Variants in ST8SIA1 observed in about 807,000 individuals in gnomAD.
ST8SIA1 encodes ST8 alpha-N-acetyl-neuraminide alpha-2,8-sialyltransferase 1, also known as alpha-N-acetylneuraminide alpha-2,8-sialyltransferase.
In ST8SIA1, 16 loss-of-function variants were observed where a neutral mutation model predicts 35.9. That is an observed-to-expected ratio of 0.45 (90% CI 0.30 to 0.68). ST8SIA1 has a LOEUF of 0.68. Ranked by LOEUF, ST8SIA1 falls within the 30% of genes least tolerant of loss-of-function variation. The probability of loss-of-function intolerance (pLI) is 0.09; values close to 1 mark genes in which losing one functional copy is unlikely to be tolerated. For synonymous variants in ST8SIA1, 170 were observed against 169.6 expected, an observed-to-expected ratio of 1.00 and a Z score of -0.02; for missense variants, 383 against 453.6, an observed-to-expected ratio of 0.84 and a Z score of 1.41.
chr12:22,216,792 C>G (rs1308483741), intron 4 of ST8SIA1, among the ~76,000 whole-genome samples: 1 of 152,114 alleles, frequency 6.6e-6, no homozygotes, highest in Admixed American at 6.6e-5. Flanking sequence ...AATTTCTAAG[C>G]ATTTTTGTAT....
At chr12:22,221,732 C>T (rs1865302550) in intron 4 of ST8SIA1, among the ~76,000 whole-genome samples, 2 of 152,182 alleles carry the variant, frequency 1.3e-5, no homozygotes, top group South Asian at 2.1e-4. Context: ...TTTCATTTCA[C>T]GTTGTGATTC....
intron 2 of ST8SIA1, among the ~76,000 whole-genome samples, chr12:22,265,948 T>C (rs893867930): frequency 6.6e-5 from 10 of 152,224 alleles, no homozygotes; most frequent in South Asian, 4.2e-4. Flanking sequence ...CCGATCTTCA[T>C]TGAAGCACCC....
chr12:22,241,598 ATTT>A (rs71053392), intron 4 of ST8SIA1, among the ~76,000 whole-genome samples: 345 of 104,320 alleles, frequency 3.3e-3, no homozygotes, highest in South Asian at 0.016. Context: ...AGACTCCGGT[ATTT>A]TTTTTTTTTT....
At chr12:22,226,679 T>C (rs573200475) in intron 4 of ST8SIA1, among the ~76,000 whole-genome samples, 1 of 152,214 alleles carries the variant, frequency 6.6e-6, no homozygotes, top group African/African-American at 2.4e-5. Context: ...ATGGAAATAT[T>C]AAGGGGTTTA....
chr12:22,309,823 A>G (rs1429779019), intron 1 of ST8SIA1, among the ~76,000 whole-genome samples: 1 of 152,240 alleles, frequency 6.6e-6, no homozygotes, highest in African/African-American at 2.4e-5. Flanking sequence ...AGGAAAAAGA[A>G]GAAGAAATTT....
intron 4 of ST8SIA1, among the ~76,000 whole-genome samples, chr12:22,205,399 A>T (rs778888916): frequency 2.6e-5 from 4 of 152,228 alleles, no homozygotes; most frequent in Non-Finnish European, 4.4e-5. Context: ...ATTTATAATC[A>T]ATATGAGCAT....
At chr12:22,299,320 G>T (rs1030066058) in intron 1 of ST8SIA1, among the ~76,000 whole-genome samples, 1 of 152,064 alleles carries the variant, frequency 6.6e-6, no homozygotes, top group Admixed American at 6.6e-5. Context: ...AAATAAGACA[G>T]ATGTAAAGAA....
intron 2 of ST8SIA1, among the ~76,000 whole-genome samples, chr12:22,284,923 C>T (rs1324678264): frequency 6.6e-6 from 1 of 152,072 alleles, no homozygotes; most frequent in African/African-American, 2.4e-5. Context: ...ACTAAAAGTC[C>T]TCATCTATAA....
chr12:22,320,149 C>T (rs893565942), intron 1 of ST8SIA1, among the ~76,000 whole-genome samples: 7 of 152,068 alleles, frequency 4.6e-5, no homozygotes, highest in Non-Finnish European at 8.8e-5. Context: ...ACATGTACCC[C>T]AAAGCTATGT....
chr12:22,274,815 T>G (rs919934783), intron 2 of ST8SIA1, among the ~76,000 whole-genome samples: 2 of 152,202 alleles, frequency 1.3e-5, no homozygotes, highest in Non-Finnish European at 2.9e-5. Flanking sequence ...ATCCATTTCA[T>G]CATTCATTCA....
At chr12:22,287,552 G>A (rs1866116470) in intron 1 of ST8SIA1, among the ~76,000 whole-genome samples, 2 of 151,774 alleles carry the variant, frequency 1.3e-5, no homozygotes, top group South Asian at 4.2e-4. Context: ...TCAGATTCAG[G>A]TGAGATATGT....
chr12:22,294,444 A>T lies in ST8SIA1; in HGVS notation c.237-7151T>A, dbSNP rs193003827. On this transcript the variant is annotated intron_variant, in intron 1 of 4. Coordinates refer to ENST00000396037, the MANE Select transcript of ST8SIA1 (RefSeq NM_003034.4). ...CTCTTAAATTGTATGAAGGAGAAGT[A>T]CTTTCATTAGATTATTGCTTCAAAA... 2.6e-5 allele frequency among the ~76,000 whole-genome samples: 4 copies of T among 152,340 alleles called. No individual in the cohort carries two copies. In the East Asian group the frequency reaches 7.7e-4, roughly 29 times the overall value.
intron 3 of ST8SIA1, among the ~76,000 whole-genome samples, chr12:22,252,888 G>A (rs972241661): frequency 2.0e-5 from 3 of 152,130 alleles, no homozygotes; most frequent in South Asian, 2.1e-4. Flanking sequence ...TGTACTGCAC[G>A]AAGTGTATTT....
chr12:22,313,976 G>A (rs1045788329), intron 1 of ST8SIA1, among the ~76,000 whole-genome samples: 3 of 152,160 alleles, frequency 2.0e-5, no homozygotes, highest in African/African-American at 7.2e-5. Context: ...GTTTGGGTTT[G>A]TTGTAGGGTA....
chr12:22,264,387 C>T (rs551857988), intron 2 of ST8SIA1, among the ~76,000 whole-genome samples: 41 of 152,284 alleles, frequency 2.7e-4, no homozygotes, highest in African/African-American at 8.9e-4. Flanking sequence ...TAAGGACTGG[C>T]AAATTCCCAC....
chr12:22,329,864 T>C (rs568772243), intron 1 of ST8SIA1, among the ~76,000 whole-genome samples: 1 of 152,212 alleles, frequency 6.6e-6, no homozygotes, highest in Non-Finnish European at 1.5e-5. Flanking sequence ...TTAACCTCTA[T>C]TCTACTTCCC....
intron 2 of ST8SIA1, among the ~76,000 whole-genome samples, chr12:22,277,829 C>G (rs1013158189): frequency 4.6e-5 from 7 of 152,040 alleles, no homozygotes; most frequent in African/African-American, 1.7e-4. Context: ...ACCCTGGTGT[C>G]CAGCTCAAGT....
At chr12:22,321,548 G>C (rs1387519542) in intron 1 of ST8SIA1, among the ~76,000 whole-genome samples, 1 of 152,218 alleles carries the variant, frequency 6.6e-6, no homozygotes, top group Non-Finnish European at 1.5e-5. Context: ...GGAGGTGGTA[G>C]ACGCCAGAAT....
At chr12:22,203,416 T>A (rs1865071603) in intron 4 of ST8SIA1, among the ~76,000 whole-genome samples, 1 of 152,180 alleles carries the variant, frequency 6.6e-6, no homozygotes, top group African/African-American at 2.4e-5. Context: ...AAATTAAAGT[T>A]CTGAATACAC....
Sources: gnomAD v4.1 joint callset for allele counts (sites outside exome capture counted in the v4.1 genomes callset) on GRCh38, gnomAD v4.1.1 for gene constraint, MANE v1.5 for transcripts, NCBI Gene and HGNC (gene_info 2026-07-23, HGNC 2026-07-21) for gene names.